CST8: variants seen among roughly 807,000 people sequenced by gnomAD.
CST8 encodes the protein cystatin 8.
Under a neutral mutation model 11.8 loss-of-function variants are expected in CST8, and 20 were observed. That is an observed-to-expected ratio of 1.70 (90% CI 1.20 to 2.47). The LOEUF (loss-of-function observed/expected upper bound fraction) is 2.47. Ranked by LOEUF, CST8 falls within the 30% of genes most tolerant of loss-of-function variation. CST8 has a pLI of 0.00. For synonymous variants in CST8, 77 were observed against 63.1 expected (o/e 1.22, Z -1.05); for missense variants, 196 against 167.2 (o/e 1.17, Z -0.95).
At position 23,491,682 on chromosome 20, in the gene CST8, G is replaced by A. The variant is rs754069200; in HGVS notation, c.15G>A (p.Arg5=). 3.7e-6 allele frequency: 6 copies of A among 1,613,920 alleles called. No individual in the cohort carries two copies. The Middle Eastern group carries it at 9.9e-4, about 267-fold the overall frequency. MPRC[R]WLSLILLTIP... ...CCCAAGGGACCATGCCCAGGTGCCGGTGGCTCTCCCTGATCCTCCTCACCA... is the reference window on the plus strand; with the variant it reads ...CCCAAGGGACCATGCCCAGGTGCCGATGGCTCTCCCTGATCCTCCTCACCA... The change falls in exon 2 of 4, where the codon CGG becomes CGA. Residue 5 remains arginine, a synonymous_variant. Coordinates refer to ENST00000246012, the MANE Select transcript of CST8 (RefSeq NM_005492.4).
At position 23,491,756 on chromosome 20, in the gene CST8, G is replaced by A; in HGVS notation, c.89G>A (p.Gly30Glu). The A allele has an allele frequency of 6.2e-7, 1 of 1,614,100 alleles. No homozygotes were observed. The highest frequency in any genetic ancestry group is 8.5e-7 in the Non-Finnish European group (1 of 1,179,990). ...ARKDPKKNET[G>E]VLRKLKPVNA... is the part of the protein sequence containing the mutation. ...AAAGACCCAAAAAAGAATGAGACAGGGGTGCTGAGGAAATTAAAACCCGTC... is the reference window on the plus strand; with the variant it reads ...AAAGACCCAAAAAAGAATGAGACAGAGGTGCTGAGGAAATTAAAACCCGTC... Residue 30 changes from glycine to glutamate, a missense_variant, in exon 2 of 4, where the codon GGG (glycine) becomes GAG (glutamate). Coordinates refer to ENST00000246012, the MANE Select transcript of CST8 (RefSeq NM_005492.4).
chr20:23,506,705 A>G, the CST8 span, among the ~76,000 whole-genome samples: 1 of 152,194 alleles, frequency 6.6e-6, no homozygotes, highest in Non-Finnish European at 1.5e-5. Flanking sequence ...CCTATCATAT[A>G]TAGCCAGGGA....
At chr20:23,491,402 C>G (rs1364952925) in intron 1 of CST8, 60 bp downstream of exon 1, 2 of 513,046 alleles carry the variant, frequency 3.9e-6, no homozygotes, top group African/African-American at 3.8e-5. Context: ...ACACAGATTG[C>G]TCTCAGGGTA....
At chr20:23,501,219 G>C in the CST8 span, among the ~76,000 whole-genome samples, 3 of 152,290 alleles carry the variant, frequency 2.0e-5, no homozygotes, top group South Asian at 2.1e-4. Context: ...CAATAACTAC[G>C]ACTCCTCCAG....
chr20:23,494,895 G>A (rs760223053), intron 3 of CST8, among the ~76,000 whole-genome samples: 2 of 152,138 alleles, frequency 1.3e-5, no homozygotes, highest in Non-Finnish European at 2.9e-5. Flanking sequence ...TTGGTGTACA[G>A]ATTATTTCAT....
intron 1 of CST8, 87 bp downstream of exon 1, chr20:23,491,429 A>G (rs547469180): frequency 5.4e-6 from 3 of 556,898 alleles, no homozygotes; most frequent in South Asian, 4.2e-5. Context: ...GGAGGCTGGT[A>G]GAGAGACTCC....
rs772281612 is a variant in CST8 at position 23,491,783 on chromosome 20, A to G, written c.116A>G (p.Asn39Ser). Reference protein sequence around the residue: ...TGVLRKLKPVNASNANVKQCL... With the variant: ...TGVLRKLKPVSASNANVKQCL... Reference sequence around the variant, plus strand: ...GTGCTGAGGAAATTAAAACCCGTCAATGCCTCAAATGCCAACGTGAAGCAG... The same window carrying G: ...GTGCTGAGGAAATTAAAACCCGTCAGTGCCTCAAATGCCAACGTGAAGCAG... Residue 39 changes from asparagine to serine, a missense_variant, in exon 2 of 4, where the codon AAT becomes AGT. Transcript: ENST00000246012. 10 of 1,614,038 alleles carry G rather than the reference A, an allele frequency of 6.2e-6. No homozygotes were observed. Among genetic ancestry groups the G allele is most frequent in the Non-Finnish European group, 8.5e-6 (10 of 1,180,004 alleles).
chr20:23,503,823 C>G, the CST8 span, among the ~76,000 whole-genome samples: 1 of 152,220 alleles, frequency 6.6e-6, no homozygotes, highest in African/African-American at 2.4e-5. Context: ...AGCCCTGAGG[C>G]CACAGAGACG....
the CST8 span, among the ~76,000 whole-genome samples, chr20:23,501,867 C>T: frequency 6.6e-6 from 1 of 152,196 alleles, no homozygotes; most frequent in Non-Finnish European, 1.5e-5. Flanking sequence ...TTTTTAATAA[C>T]ACACCTGCAT....
downstream of CST8, among the ~76,000 whole-genome samples, chr20:23,500,649 G>C (rs1289084751): frequency 6.6e-6 from 1 of 152,088 alleles, no homozygotes; most frequent in Non-Finnish European, 1.5e-5. Context: ...GGGACAGACA[G>C]TCATCAAAAC....
At chr20:23,499,978 AAGAG>A (rs1179433041), downstream of CST8, among the ~76,000 whole-genome samples, 1 of 151,590 alleles carries the variant, frequency 6.6e-6, no homozygotes, top group African/African-American at 2.4e-5. Context: ...CAGTGTGAGA[AAGAG>A]AGAGAAAGGG....
chr20:23,491,803 A>T lies in CST8; in HGVS notation c.136A>T (p.Lys46Ter). The change falls in exon 2 of 4, where the codon AAG (lysine) becomes TAG (stop). Residue 46 changes from lysine to a stop codon, truncating the protein, a stop_gained. Transcript: ENST00000246012. LOFTEE classifies it high-confidence loss of function. The stretch of plus-strand genomic sequence containing the variant: ...CGTCAATGCCTCAAATGCCAACGTG[A>T]AGCAGTGTCTGTGGTTTGCCATGCA... ...KPVNASNANV[K>*]QCLWFAMQEY... 1.2e-6 allele frequency: 2 copies of T among 1,614,194 alleles called. No homozygotes were observed. The highest frequency in any genetic ancestry group is 1.7e-6 in the Non-Finnish European group (2 of 1,180,018).
chr20:23,497,808 A>G (rs995210440), downstream of CST8, among the ~76,000 whole-genome samples: 3 of 152,234 alleles, frequency 2.0e-5, no homozygotes, highest in African/African-American at 7.2e-5. Flanking sequence ...TGATTCAGTT[A>G]TCTCCAGCTA....
chr20:23,493,032 T>A lies in CST8; in HGVS notation c.306T>A (p.Asn102Lys). ...RSDCRKPLST[N>K]EICAIQENSK... ...ATTGCAGAAAGCCTTTAAGCACTAA[T>A]GAAATCTGCGCCATTCAAGAAAACT... is the stretch of plus-strand genomic sequence containing the variant. The change falls in exon 3 of 4, where the codon AAT (asparagine) becomes AAA (lysine). Residue 102 changes from asparagine (N) to lysine (K), a missense_variant. By Grantham distance (94) the Asn-to-Lys change is moderately conservative. Coordinates refer to ENST00000246012, the MANE Select transcript of CST8 (RefSeq NM_005492.4). 6.2e-7 allele frequency: 1 copy of A among 1,613,124 alleles called. No individual in the cohort carries two copies. Among genetic ancestry groups the A allele is most frequent in the Non-Finnish European group, 8.5e-7 (1 of 1,179,178 alleles).
At chr20:23,502,952 A>G in the CST8 span, among the ~76,000 whole-genome samples, 10 of 152,262 alleles carry the variant, frequency 6.6e-5, no homozygotes, top group African/African-American at 2.4e-4. Context: ...TCCTACTAAA[A>G]AAAGAACAAA....
the CST8 span, among the ~76,000 whole-genome samples, chr20:23,505,139 C>CTTCT: frequency 1.2e-5 from 1 of 82,030 alleles, no homozygotes; most frequent in African/African-American, 5.0e-5. Flanking sequence ...AAGAAGCATT[C>CTTCT]TTTTTTTTTT....
the CST8 span, among the ~76,000 whole-genome samples, chr20:23,501,312 T>C: frequency 6.6e-6 from 1 of 152,210 alleles, no homozygotes; most frequent in African/African-American, 2.4e-5. Flanking sequence ...TGTTTGTAAG[T>C]AGTCTAGGTT....
chr20:23,500,499 A>G (rs1213316561), downstream of CST8, among the ~76,000 whole-genome samples: 1 of 152,048 alleles, frequency 6.6e-6, no homozygotes, highest in Non-Finnish European at 1.5e-5. Context: ...CCTGCCCCCC[A>G]GGGGCCTGGT....
At chr20:23,493,817 C>CA (rs1186562578) in intron 3 of CST8, among the ~76,000 whole-genome samples, 1 of 152,192 alleles carries the variant, frequency 6.6e-6, no homozygotes, top group Non-Finnish European at 1.5e-5. Flanking sequence ...GGTGGTTCTC[C>CA]AATGTGAGCA....
Sources: gnomAD v4.1 joint callset for allele counts (sites outside exome capture counted in the v4.1 genomes callset) on GRCh38, gnomAD v4.1.1 for gene constraint, MANE v1.5 for transcripts, NCBI Gene and HGNC (gene_info 2026-07-23, HGNC 2026-07-21) for gene names.